Variants in EXD3 observed in about 807,000 individuals in gnomAD.
EXD3 encodes exonuclease mut-7 homolog.
EXD3 carries 92 observed loss-of-function variants against 98.0 expected under a neutral mutation model. That is an observed-to-expected ratio of 0.94 (90% CI 0.79 to 1.12). EXD3 has a LOEUF of 1.12. Among genes scored for constraint, EXD3 ranks in the 50% most tolerant of loss-of-function variants. The pLI, the probability that EXD3 is intolerant of heterozygous loss-of-function variation, is 0.00. For synonymous variants in EXD3, 569 were observed against 526.0 expected (o/e 1.08, Z -1.12); for missense variants, 1,222 against 1,191.6 (o/e 1.03, Z -0.38).
chr9:137,420,139 G>A (rs896701224), intron 1 of EXD3, among the ~76,000 whole-genome samples: 5 of 151,596 alleles, frequency 3.3e-5, no homozygotes, highest in Non-Finnish European at 5.9e-5. Flanking sequence ...CAGCCTGGGC[G>A]ACAGAGGGAG....
chr9:137,365,938 C>T (rs1835224023), intron 7 of EXD3: 2 of 448,846 alleles, frequency 4.5e-6, no homozygotes, highest in South Asian at 1.8e-5. Flanking sequence ...CAGGCACACA[C>T]AAACGTGCAC....
At chr9:137,346,820 T>G (rs1833961553) in intron 17 of EXD3, among the ~76,000 whole-genome samples, 1 of 152,164 alleles carries the variant, frequency 6.6e-6, no homozygotes, top group South Asian at 2.1e-4. Context: ...CATTCTTTTT[T>G]TCTATTGTTT....
intron 19 of EXD3, among the ~76,000 whole-genome samples, chr9:137,316,117 G>A (rs1320832200): frequency 4.0e-5 from 6 of 149,464 alleles, no homozygotes; most frequent in Non-Finnish European, 7.5e-5. Context: ...GGCGCGGCGC[G>A]CTGGCTTTCC....
intron 3 of EXD3, among the ~76,000 whole-genome samples, chr9:137,379,893 C>G (rs975468529): frequency 6.6e-6 from 1 of 152,058 alleles, no homozygotes; most frequent in Non-Finnish European, 1.5e-5. Context: ...TCCTCCCCTC[C>G]AGGCCCCCAG....
At chr9:137,346,781 C>T (rs749163229) in intron 17 of EXD3, among the ~76,000 whole-genome samples, 3 of 152,122 alleles carry the variant, frequency 2.0e-5, no homozygotes, top group Non-Finnish European at 4.4e-5. Context: ...TGTGTTACAC[C>T]AGCACCCCAC....
In EXD3 at chr9:137,385,599, G is replaced by C. The variant is rs1398998459; in HGVS notation, c.56-2222C>G. ...CACCCAGGCTGGAGTGCAGTGCTGT[G>C]ATCTCGGCTCACTGCAACCTCCACC... On this transcript the variant is annotated intron_variant, in intron 2 of 21. Coordinates refer to ENST00000340951, the MANE Select transcript of EXD3 (RefSeq NM_017820.5). The surrounding 1 kb of genome is among the most constrained non-coding windows in gnomAD (Gnocchi z 4.4). Among the ~76,000 whole-genome samples, 1 of 152,172 alleles carries C rather than the reference G, an allele frequency of 6.6e-6. No individual in the cohort carries two copies. Among genetic ancestry groups the C allele is most frequent in the Admixed American group, 6.5e-5 (1 of 15,284 alleles).
chr9:137,400,078 C>T (rs926789384), intron 1 of EXD3, among the ~76,000 whole-genome samples: 1 of 151,360 alleles, frequency 6.6e-6, no homozygotes, highest in Non-Finnish European at 1.5e-5. Flanking sequence ...AAGAGGAAAC[C>T]TCTGATAAAC....
At position 137,324,395 on chromosome 9, in the gene EXD3, A is replaced by T. The variant is rs1832273634; in HGVS notation, c.1999-252T>A. 6.6e-6 allele frequency among the ~76,000 whole-genome samples: 1 copy of T among 152,144 alleles called. No homozygotes were observed. Among genetic ancestry groups the T allele is most frequent in the Non-Finnish European group, 1.5e-5 (1 of 68,032 alleles). On this transcript the variant is annotated intron_variant, in intron 17 of 21. Transcript: ENST00000340951. This position sits in a 1 kb window ranked among gnomAD's most constrained non-coding sequence, Gnocchi z 4.1. ...TTTTTCATAATTAGAAACAAAATTG[A>T]ATTTAAAAAGCCATCCCTCAAAAGC... is the stretch of plus-strand genomic sequence containing the variant.
Position 137,405,990 on chromosome 9 carries a change from C to T in EXD3, c.-47-10586G>A, listed in dbSNP as rs1183819357. Among the ~76,000 whole-genome samples the T allele has an allele frequency of 6.6e-6, 1 of 151,962 alleles. No individual in the cohort carries two copies. Among genetic ancestry groups the T allele is most frequent in the Non-Finnish European group, 1.5e-5 (1 of 68,000 alleles). On this transcript the variant is annotated intron_variant, in intron 1 of 21. Coordinates refer to ENST00000340951, the MANE Select transcript of EXD3 (RefSeq NM_017820.5). This position sits in a 1 kb window ranked among gnomAD's most constrained non-coding sequence, Gnocchi z 4.1. ...ATCCCAGCCTTGTGGGAGGCCGAGG[C>T]GGGAGGATCACTTGAGCTCAGGAGT...
chr9:137,376,745 C>T (rs1835924554), intron 3 of EXD3, among the ~76,000 whole-genome samples: 1 of 152,026 alleles, frequency 6.6e-6, no homozygotes. Context: ...GCCTGACCAA[C>T]ATGGAGAAAC....
At position 137,405,948 on chromosome 9, in the gene EXD3, G is replaced by A. The variant is rs1358595885; in HGVS notation, c.-47-10544C>T. Reference sequence around the variant, plus strand: ...ATAAAACGTGAAACTGGCTGGGCACGGTGGCTCACGCCTGTAATCCCAGCC... The same window carrying A: ...ATAAAACGTGAAACTGGCTGGGCACAGTGGCTCACGCCTGTAATCCCAGCC... On this transcript the variant is annotated intron_variant, in intron 1 of 21. Transcript: ENST00000340951. This position sits in a 1 kb window ranked among gnomAD's most constrained non-coding sequence, Gnocchi z 4.1. Among the ~76,000 whole-genome samples, 1 of 152,236 alleles carries A rather than the reference G, an allele frequency of 6.6e-6. No homozygotes were observed. Among genetic ancestry groups the A allele is most frequent in the Non-Finnish European group, 1.5e-5 (1 of 68,048 alleles).
intron 8 of EXD3, among the ~76,000 whole-genome samples, chr9:137,355,633 G>A (rs1201717470): frequency 2.0e-4 from 14 of 69,572 alleles, no homozygotes; most frequent in East Asian, 7.1e-4. Flanking sequence ...GAGGATGGAG[G>A]AAGGAGGAAG....
intron 19 of EXD3, among the ~76,000 whole-genome samples, chr9:137,320,874 G>A (rs1377874813): frequency 6.6e-6 from 1 of 152,206 alleles, no homozygotes; most frequent in South Asian, 2.1e-4. Flanking sequence ...CTCCCCAGGC[G>A]TCCCGGACAT....
At chr9:137,321,806 C>T (rs567649859) in intron 19 of EXD3, among the ~76,000 whole-genome samples, 6 of 152,326 alleles carry the variant, frequency 3.9e-5, no homozygotes, top group African/African-American at 9.6e-5. Flanking sequence ...TACCCTCCAC[C>T]GGGAACTGCC....
intron 3 of EXD3, among the ~76,000 whole-genome samples, chr9:137,382,308 G>T (rs920131836): frequency 6.6e-6 from 1 of 151,774 alleles, no homozygotes; most frequent in Non-Finnish European, 1.5e-5. Context: ...AACAAGCGCT[G>T]CTCCAAGGAG....
intron 12 of EXD3, among the ~76,000 whole-genome samples, chr9:137,351,839 G>A (rs971569895): frequency 3.3e-5 from 5 of 152,340 alleles, no homozygotes; most frequent in Admixed American, 2.0e-4. Context: ...GGGATTCCAC[G>A]GCACCTTCCA....
At chr9:137,390,701 C>T (rs930558976) in intron 2 of EXD3, among the ~76,000 whole-genome samples, 6 of 152,278 alleles carry the variant, frequency 3.9e-5, no homozygotes, top group East Asian at 1.9e-4. Flanking sequence ...GACTTCCCTC[C>T]GGTCTCCCTC....
chr9:137,382,694 G>C (rs1310342412), intron 3 of EXD3, among the ~76,000 whole-genome samples: 1 of 152,124 alleles, frequency 6.6e-6, no homozygotes. Context: ...GCCAGTGGAT[G>C]TGGCACTCAG....
At chr9:137,331,352 G>T (rs1436364167) in intron 17 of EXD3, among the ~76,000 whole-genome samples, 1 of 151,888 alleles carries the variant, frequency 6.6e-6, no homozygotes, top group Non-Finnish European at 1.5e-5. Context: ...ACAAGACAAG[G>T]ATGCCCTCTC....
Sources: allele counts gnomAD v4.1 joint callset (sites outside exome capture counted in the v4.1 genomes callset), GRCh38; gene constraint gnomAD v4.1.1; non-coding constraint Gnocchi (gnomAD v3.1); transcripts MANE v1.5; gene names NCBI Gene and HGNC (gene_info 2026-07-23, HGNC 2026-07-21).